UNKL: variants seen among roughly 807,000 people sequenced by gnomAD.
The protein encoded by UNKL is unk like zinc finger.
A neutral mutation model predicts 78.0 loss-of-function variants in UNKL; 60 were observed. The observed-to-expected ratio is 0.77, with a 90% confidence interval of 0.63 to 0.95. The LOEUF is 0.95. Among genes scored for constraint, UNKL ranks in the 40% least tolerant of loss-of-function variants. The pLI is 0.00. For synonymous variants in UNKL, 608 were observed against 474.8 expected, an observed-to-expected ratio of 1.28 and a Z score of -3.65; for missense variants, 1,159 against 1,045.7, an observed-to-expected ratio of 1.11 and a Z score of -1.49.
intron 10 of UNKL, among the ~76,000 whole-genome samples, chr16:1,384,647 G>A (rs1419912820): frequency 2.6e-5 from 4 of 151,670 alleles, no homozygotes; most frequent in Non-Finnish European, 4.4e-5. Flanking sequence ...CACCCAGGCT[G>A]GAGTACAGTG....
Position 1,363,358 on chromosome 16 carries a change from G to A in UNKL, c.*2882C>T. ...TAAATGATTATAAATACTACCTTCT[G>A]GGTTAAGAAAATTCCATTCAAATAA... On this transcript the variant is annotated 3_prime_UTR_variant, in exon 15 of 15. Transcript: ENST00000389221. The A allele has an allele frequency of 2.2e-6, 1 of 462,558 alleles. No homozygotes were observed. The highest frequency in any genetic ancestry group is 4.0e-6 in the Non-Finnish European group (1 of 251,418). The allele number at this position is 462,558 out of a possible 1,614,324, so 28.7% of individuals were successfully genotyped here.
chr16:1,388,168 C>G (rs879518184), intron 9 of UNKL, among the ~76,000 whole-genome samples: 28 of 152,146 alleles, frequency 1.8e-4, no homozygotes, highest in Non-Finnish European at 3.7e-4. Context: ...GCCTGCCCCG[C>G]CCTGGGTCGG....
In UNKL at chr16:1,363,245, T is replaced by C; in HGVS notation, c.*2995A>G. ...TAATTAATTCCCATACTGATAAAAA[T>C]AACTCCATGAATTCTGTAAACCATT... is the stretch of plus-strand genomic sequence containing the variant. On this transcript the variant is annotated 3_prime_UTR_variant, in exon 15 of 15. Coordinates refer to ENST00000389221, the MANE Select transcript of UNKL (RefSeq NM_001372107.1). The C allele has an allele frequency of 1.4e-6, 1 of 703,342 alleles. No individual in the cohort carries two copies. Among genetic ancestry groups the C allele is most frequent in the South Asian group, 1.6e-5 (1 of 64,402 alleles). 43.6% of individuals were successfully genotyped at this position (703,342 alleles called of 1,614,324 possible).
chr16:1,403,857 A>C lies in UNKL; in HGVS notation c.288-513T>G, dbSNP rs2037636905. On this transcript the variant is annotated intron_variant, in intron 2 of 14. Coordinates refer to ENST00000389221, the MANE Select transcript of UNKL (RefSeq NM_001372107.1). This position sits in a 1 kb window ranked among gnomAD's most constrained non-coding sequence, Gnocchi z 4.8. ...GGGCCCTGGACGCGGCTTGGGGGAC[A>C]CGAGGGGGATGGGCAGAAGAGGCGG... 5.3e-5 allele frequency among the ~76,000 whole-genome samples: 8 copies of C among 152,204 alleles called. No homozygotes were observed. The highest frequency in any genetic ancestry group is 4.6e-4 in the Admixed American group (7 of 15,276).
At chr16:1,413,757 T>C in intron 2 of UNKL, 89 bp downstream of exon 2, 1 of 1,383,052 alleles carries the variant, frequency 7.2e-7, no homozygotes, top group Non-Finnish European at 9.6e-7. Context: ...GTATGGACAC[T>C]AAGGCGTCCG....
intron 6 of UNKL, 93 bp downstream of exon 6, chr16:1,397,085 C>A: frequency 1.4e-6 from 2 of 1,380,802 alleles, no homozygotes; most frequent in South Asian, 1.2e-5. Context: ...AAGTTAATCA[C>A]TGTTCCTTCT....
intron 9 of UNKL, among the ~76,000 whole-genome samples, chr16:1,388,012 G>A (rs188171898): frequency 4.5e-4 from 68 of 152,268 alleles, no homozygotes; most frequent in African/African-American, 1.2e-3. Context: ...CCCTGTGGGC[G>A]TCTCAGTCCT....
Position 1,370,354 on chromosome 16 carries a change from G to C in UNKL, c.1361C>G (p.Pro454Arg). 1 of 1,532,684 alleles carries C rather than the reference G, an allele frequency of 6.5e-7. No individual in the cohort carries two copies. The highest frequency in any genetic ancestry group is 8.7e-7 in the Non-Finnish European group (1 of 1,145,984). The allele number at this position is 1,532,684 out of a possible 1,614,324, so 94.9% of individuals were successfully genotyped here. The part of the protein sequence containing the change: ...QDGHDLGAAG[P>R]RSLAGSAPVA... ...AGGTGCAGAGCCGGCCAGCGACCTG[G>C]GACCTGGCGGGGGCGGACCAGTCAG... is the stretch of plus-strand genomic sequence containing the variant. Residue 454 changes from proline (P) to arginine (R), a missense_variant, in exon 12 of 15, where the codon CCC becomes CGC. Coordinates refer to ENST00000389221, the MANE Select transcript of UNKL (RefSeq NM_001372107.1).
chr16:1,370,803 G>T (rs2035753299), intron 11 of UNKL, among the ~76,000 whole-genome samples: 3 of 152,214 alleles, frequency 2.0e-5, no homozygotes, highest in African/African-American at 7.2e-5. Flanking sequence ...TTTGTATGGG[G>T]CCGGGCGCAC....
At chr16:1,378,304 G>A (rs924170920) in intron 10 of UNKL, among the ~76,000 whole-genome samples, 21 of 152,204 alleles carry the variant, frequency 1.4e-4, no homozygotes, top group African/African-American at 7.2e-5. Context: ...AGGGCCAAGC[G>A]GTTTGCCCAT....
chr16:1,382,724 G>A (rs1013024189), intron 10 of UNKL, among the ~76,000 whole-genome samples: 1 of 150,726 alleles, frequency 6.6e-6, no homozygotes, highest in Non-Finnish European at 1.5e-5. Flanking sequence ...TTGGGAGGCC[G>A]AGTTGGGAGG....
chr16:1,403,387 C>G lies in UNKL; in HGVS notation c.288-43G>C, dbSNP rs781715907. 8.2e-6 allele frequency: 13 copies of G among 1,586,070 alleles called. No homozygotes were observed. Among genetic ancestry groups the G allele is most frequent in the Non-Finnish European group, 9.4e-6 (11 of 1,167,162 alleles). Reference sequence around the variant, plus strand: ...ACGCAATGCCTGGTTATCATGGACCCAGAGGCAGCCCTAAGCTCCCTGGGT... The same window carrying G: ...ACGCAATGCCTGGTTATCATGGACCGAGAGGCAGCCCTAAGCTCCCTGGGT... On this transcript the variant is annotated intron_variant, in intron 2 of 14. Coordinates refer to ENST00000389221, the MANE Select transcript of UNKL (RefSeq NM_001372107.1). This position sits in a 1 kb window ranked among gnomAD's most constrained non-coding sequence, Gnocchi z 4.8.
In UNKL at chr16:1,381,632, G is replaced by C. The variant is rs114459018; in HGVS notation, c.1264+3576C>G. 7.1e-3 allele frequency among the ~76,000 whole-genome samples: 1,075 copies of C among 152,304 alleles called. 21 individuals are homozygous for C. The highest frequency in any genetic ancestry group is 0.025 in the African/African-American group (1,026 of 41,560). On this transcript the variant is annotated intron_variant, in intron 10 of 14. Transcript: ENST00000389221. ...AAGAAAAAAAAAGAACCTGCTCAGAGGCCAGACCCTCATGGAGCTTTAGCC... is the reference window on the plus strand; with the variant it reads ...AAGAAAAAAAAAGAACCTGCTCAGACGCCAGACCCTCATGGAGCTTTAGCC...
chr16:1,377,204 T>C (rs2036302289), intron 10 of UNKL, among the ~76,000 whole-genome samples: 1 of 152,190 alleles, frequency 6.6e-6, no homozygotes, highest in Admixed American at 6.5e-5. Context: ...GCATTTTTAG[T>C]AGAGACAGGT....
At position 1,370,261 on chromosome 16, in the gene UNKL, G is replaced by A. The variant is rs751894202; in HGVS notation, c.1454C>T (p.Pro485Leu). The change falls in exon 12 of 15, where the codon CCG becomes CTG. Residue 485 changes from proline (P) to leucine (L), a missense_variant. Transcript: ENST00000389221. ...GAGGGGCTGGGACAGCGAACCGAGC[G>A]GCGAGGTGGACGCAGAGGATGGCGA... ...LHSPSSASTS[P>L]LGSLSQPLPG... 1.8e-5 allele frequency: 28 copies of A among 1,534,524 alleles called. No homozygotes were observed. In the Admixed American group the frequency reaches 3.0e-4, roughly 16 times the overall value.
At position 1,399,425 on chromosome 16, in the gene UNKL, T is replaced by C. The variant is rs760819334; in HGVS notation, c.683A>G (p.His228Arg). ...CCGCCTGTCCCGGCTATTGTGGTAG[T>C]GTGGGCACGCATAGCCCTGGCGGCA... ...RLCRQGYACP[H>R]YHNSRDRRRN... is the part of the protein sequence containing the mutation. The change falls in exon 5 of 15, where the codon CAC (histidine) becomes CGC (arginine). Residue 228 changes from histidine to arginine, a missense_variant. His to Arg is a conservative substitution (Grantham distance 29, BLOSUM62 0). Coordinates refer to ENST00000389221, the MANE Select transcript of UNKL (RefSeq NM_001372107.1). The surrounding 1 kb of genome is among the most constrained non-coding windows in gnomAD (Gnocchi z 5.8). 8.1e-6 allele frequency: 13 copies of C among 1,606,248 alleles called. No individual in the cohort carries two copies. The highest frequency in any genetic ancestry group is 2.7e-5 in the African/African-American group (2 of 74,786).
At chr16:1,371,705 G>C (rs887802706) in intron 10 of UNKL, 94 bp from the exon 11 acceptor site, 59 of 1,317,506 alleles carry the variant, frequency 4.5e-5, no homozygotes, top group Non-Finnish European at 5.9e-5. Flanking sequence ...CCTGGGCTTA[G>C]AGTGAGACCA....
In UNKL at chr16:1,385,025, G is replaced by T. The variant is rs535929526; in HGVS notation, c.1264+183C>A. Among the ~76,000 whole-genome samples, 107 of 152,336 alleles carry T rather than the reference G, an allele frequency of 7.0e-4. 3 individuals are homozygous for T. The Middle Eastern group carries it at 0.031, about 44-fold the overall frequency. ...AGGCCAGGAGCCTCTCTGAGTCAGG[G>T]CTTGTTTCCACAACCACACGTGCAA... On this transcript the variant is annotated intron_variant, in intron 10 of 14. Transcript: ENST00000389221.
rs1476984962 is a variant in UNKL, at chr16:1,367,228, T to C, written c.1910A>G (p.Gln637Arg). 4 of 1,600,270 alleles carry C rather than the reference T, an allele frequency of 2.5e-6. No individual in the cohort carries two copies. Among genetic ancestry groups the C allele is most frequent in the Non-Finnish European group, 3.4e-6 (4 of 1,176,368 alleles). The change falls in exon 14 of 15, where the codon CAG becomes CGG. Residue 637 changes from glutamine (Q) to arginine (R), a missense_variant. Gln to Arg is a conservative substitution (Grantham distance 43, BLOSUM62 1). Coordinates refer to ENST00000389221, the MANE Select transcript of UNKL (RefSeq NM_001372107.1). Reference protein sequence around the residue: ...EEVEAQVKQLQEELEGLGVAS... With the variant: ...EEVEAQVKQLREELEGLGVAS... ...TACGCCCAGGCCCTCCAGCTCCTCC[T>C]GCAGCTGCTTCACCTGTGCCTCCAC...
Sources: gnomAD v4.1 joint callset for allele counts (sites outside exome capture counted in the v4.1 genomes callset) on GRCh38, gnomAD v4.1.1 for gene constraint, Gnocchi (gnomAD v3.1) non-coding constraint, MANE v1.5 for transcripts, NCBI Gene and HGNC (gene_info 2026-07-23, HGNC 2026-07-21) for gene names.